The following GNAI3 variants were observed in gnomAD, a reference collection of about 807,000 sequenced individuals.
GNAI3 encodes G protein subunit alpha i3, also known as guanine nucleotide-binding protein G(i) subunit alpha-3.
A neutral mutation model predicts 41.8 loss-of-function variants in GNAI3; 12 were observed. The ratio of observed to expected loss-of-function variants is 0.29; its 90% CI spans 0.18 to 0.47. The LOEUF (loss-of-function observed/expected upper bound fraction) is 0.47. GNAI3 is among the 20% of genes least tolerant of loss of function. The pLI, the probability that GNAI3 is intolerant of heterozygous loss-of-function variation, is 1.00. For missense variants in GNAI3, 360 were observed against 429.6 expected, an observed-to-expected ratio of 0.84 and a Z score of 1.43; for synonymous variants, 132 against 146.5, an observed-to-expected ratio of 0.90 and a Z score of 0.71.
chr1:109,559,028 A>T (rs999516868), intron 1 of GNAI3, among the ~76,000 whole-genome samples: 2 of 152,174 alleles, frequency 1.3e-5, no homozygotes, highest in Non-Finnish European at 2.9e-5. Flanking sequence ...AATACAAAAA[A>T]TTAGCTGGGC....
At position 109,599,095 on chromosome 1, in the gene GNAI3, T is replaced by C. The variant is rs1570558427; in HGVS notation, c.*6773T>C. On this transcript the variant is annotated 3_prime_UTR_variant, in exon 9 of 9. Transcript: ENST00000369851. ...TGGAGGTACATGTGAGTGGATTTTA[T>C]TACCAGAGTAGGAACTGTTTCAAGT... 6 of 306,726 alleles carry C rather than the reference T, an allele frequency of 2.0e-5. No homozygotes were observed. Among genetic ancestry groups the C allele is most frequent in the Non-Finnish European group, 4.7e-5 (6 of 128,944 alleles). The allele number at this position is 306,726 out of a possible 1,614,324, so 19.0% of individuals were successfully genotyped here.
Position 109,596,613 on chromosome 1 carries a change from C to G in GNAI3, c.*4291C>G, listed in dbSNP as rs1649315440. 1 of 152,368 alleles carries G rather than the reference C, an allele frequency of 6.6e-6. No homozygotes were observed. The highest frequency in any genetic ancestry group is 2.1e-4 in the South Asian group (1 of 4,834). 9.4% of individuals were successfully genotyped at this position (152,368 alleles called of 1,614,324 possible). ...AAGTGATTTGCCTGCCTTGGCCTCC[C>G]AAAGTGCTGAGATTACAGATGTGAA... On this transcript the variant is annotated 3_prime_UTR_variant, in exon 9 of 9. Coordinates refer to ENST00000369851, the MANE Select transcript of GNAI3 (RefSeq NM_006496.4).
rs983146680 is a variant in GNAI3, at chr1:109,597,827, C to T, written c.*5505C>T. On this transcript the variant is annotated 3_prime_UTR_variant, in exon 9 of 9. Coordinates refer to ENST00000369851, the MANE Select transcript of GNAI3 (RefSeq NM_006496.4). ...ATGTAATAACATGAATATTTATTTA[C>T]ACTTGGTAGAGAAAGCAAAGCTAGC... The T allele has an allele frequency of 6.6e-6, 1 of 152,138 alleles. No individual in the cohort carries two copies. The highest frequency in any genetic ancestry group is 6.5e-5 in the Admixed American group (1 of 15,272). 9.4% of individuals were successfully genotyped at this position (152,138 alleles called of 1,614,324 possible). A position where few individuals can be genotyped will look rare whatever the true frequency, so the allele number is the denominator to read the frequency against.
intron 1 of GNAI3, among the ~76,000 whole-genome samples, chr1:109,569,780 T>C (rs554971158): frequency 1.3e-5 from 2 of 150,834 alleles, no homozygotes; most frequent in South Asian, 2.1e-4. Context: ...CTTGGAAAAA[T>C]GTGAGAGAGG....
chr1:109,560,938 T>G (rs938650711), intron 1 of GNAI3, among the ~76,000 whole-genome samples: 1 of 152,196 alleles, frequency 6.6e-6, no homozygotes, highest in African/African-American at 2.4e-5. Context: ...GTGACATATC[T>G]TTAACAGAAC....
At chr1:109,577,527 G>A (rs943129218) in intron 3 of GNAI3, among the ~76,000 whole-genome samples, 3 of 151,920 alleles carry the variant, frequency 2.0e-5, no homozygotes, top group Non-Finnish European at 2.9e-5. Flanking sequence ...CACCCGCCTC[G>A]GCCTCCCAAA....
intron 1 of GNAI3, among the ~76,000 whole-genome samples, chr1:109,569,804 G>C (rs1648547123): frequency 6.6e-6 from 1 of 151,762 alleles, no homozygotes; most frequent in Admixed American, 6.6e-5. Context: ...GGCAACAGAG[G>C]GTTTTTTGTT....
At chr1:109,577,964 A>T (rs777027389) in intron 3 of GNAI3, among the ~76,000 whole-genome samples, 16 of 152,186 alleles carry the variant, frequency 1.1e-4, no homozygotes, top group South Asian at 4.1e-4. Context: ...CACGTTATAT[A>T]CTTTTTAAAT....
chr1:109,586,349 T>A lies in GNAI3; in HGVS notation c.720+4T>A, dbSNP rs1291937373. 6.2e-7 allele frequency: 1 copy of A among 1,608,974 alleles called. No homozygotes were observed. The highest frequency in any genetic ancestry group is 1.1e-5 in the South Asian group (1 of 90,200). On this transcript the variant is annotated splice_donor_region_variant and intron_variant, in intron 6 of 8. Coordinates refer to ENST00000369851, the MANE Select transcript of GNAI3 (RefSeq NM_006496.4). The stretch of plus-strand genomic sequence containing the variant: ...TCTGGCTGAGGACGAGGAGATGGTA[T>A]GTTGGAGCTTCTGGTAAAAAGCCTG...
At chr1:109,560,597 C>G (rs1648284327) in intron 1 of GNAI3, among the ~76,000 whole-genome samples, 1 of 152,028 alleles carries the variant, frequency 6.6e-6, no homozygotes, top group South Asian at 2.1e-4. Flanking sequence ...GAGATCCTGT[C>G]TCTTAAAAAA....
At chr1:109,566,735 G>T (rs1352120630) in intron 1 of GNAI3, among the ~76,000 whole-genome samples, 1 of 152,070 alleles carries the variant, frequency 6.6e-6, no homozygotes, top group Non-Finnish European at 1.5e-5. Context: ...CTAATTTTTT[G>T]TATTTTTAGT....
chr1:109,554,206 C>CT (rs972943714), intron 1 of GNAI3, among the ~76,000 whole-genome samples: 2 of 152,064 alleles, frequency 1.3e-5, no homozygotes, highest in African/African-American at 2.4e-5. Flanking sequence ...ATGCAAGTAT[C>CT]TTTTTTGTAT....
In GNAI3 at chr1:109,599,001, T is replaced by C. The variant is rs113172998; in HGVS notation, c.*6679T>C. 4.3e-5 allele frequency: 23 copies of C among 533,860 alleles called. No individual in the cohort carries two copies. The highest frequency in any genetic ancestry group is 2.2e-4 in the East Asian group (4 of 18,338). The allele number at this position is 533,860 out of a possible 1,614,324, so 33.1% of individuals were successfully genotyped here. The stretch of plus-strand genomic sequence containing the variant: ...TTGGTCTACGGCACATCTCCAAGTA[T>C]AGAGTGGGTTTTGAATGCTGTTATG... On this transcript the variant is annotated 3_prime_UTR_variant, in exon 9 of 9. Coordinates refer to ENST00000369851, the MANE Select transcript of GNAI3 (RefSeq NM_006496.4).
intron 1 of GNAI3, among the ~76,000 whole-genome samples, chr1:109,568,162 C>T (rs1162288846): frequency 1.3e-5 from 2 of 152,064 alleles, no homozygotes; most frequent in Non-Finnish European, 2.9e-5. Flanking sequence ...ACTTTGCATA[C>T]CCATAATGTA....
Position 109,574,000 on chromosome 1 carries a change from GAC to G in GNAI3, c.267_268del (p.Arg90AlafsTer4), listed in dbSNP as rs1431292003. The G allele has an allele frequency of 1.9e-6, 3 of 1,611,432 alleles. No homozygotes were observed. Among genetic ancestry groups the G allele is most frequent in the Non-Finnish European group, 2.5e-6 (3 of 1,177,892 alleles). ...ATCATTGCAATCATAAGAGCCATGG[GAC>G]GGCTAAAGATTGACTTTGGGGAAGC... is the stretch of plus-strand genomic sequence containing the variant. On this transcript the variant is annotated frameshift_variant, in exon 3 of 9. Coordinates refer to ENST00000369851, the MANE Select transcript of GNAI3 (RefSeq NM_006496.4). LOFTEE classifies it high-confidence loss of function.
At chr1:109,551,399 T>C (rs1343020752) in intron 1 of GNAI3, among the ~76,000 whole-genome samples, 2 of 152,228 alleles carry the variant, frequency 1.3e-5, no homozygotes, top group Non-Finnish European at 2.9e-5. Flanking sequence ...ATTTTTACTT[T>C]ATCACTATGG....
rs770658358 is a variant in GNAI3, at chr1:109,599,561, TGTAAC to T, written c.*7244_*7248del. ...GGAAAACTATCAGATTTATGTGAAA[TGTAAC>T]GTAATTTACATTTGATTTACTGTTA... On this transcript the variant is annotated 3_prime_UTR_variant, in exon 9 of 9. Transcript: ENST00000369851. 2 of 152,248 alleles carry T rather than the reference TGTAAC, an allele frequency of 1.3e-5. No homozygotes were observed. Among genetic ancestry groups the T allele is most frequent in the African/African-American group, 2.4e-5 (1 of 41,460 alleles). 9.4% of individuals were successfully genotyped at this position (152,248 alleles called of 1,614,324 possible).
Position 109,596,709 on chromosome 1 carries a change from T to G in GNAI3, c.*4387T>G, listed in dbSNP as rs927109590. On this transcript the variant is annotated 3_prime_UTR_variant, in exon 9 of 9. Coordinates refer to ENST00000369851, the MANE Select transcript of GNAI3 (RefSeq NM_006496.4). ...GCCTAGGCCTGGGCTGACTCAAATCTTCTCAGGAATAAGAGGTAAGAAGGA... is the reference window on the plus strand; with the variant it reads ...GCCTAGGCCTGGGCTGACTCAAATCGTCTCAGGAATAAGAGGTAAGAAGGA... 1 of 152,222 alleles carries G rather than the reference T, an allele frequency of 6.6e-6. No homozygotes were observed. Among genetic ancestry groups the G allele is most frequent in the African/African-American group, 2.4e-5 (1 of 41,452 alleles). 9.4% of individuals were successfully genotyped at this position (152,222 alleles called of 1,614,324 possible). A position where few individuals can be genotyped will look rare whatever the true frequency, so the allele number is the denominator to read the frequency against.
intron 7 of GNAI3, among the ~76,000 whole-genome samples, chr1:109,587,381 C>T (rs1431054648): frequency 6.6e-6 from 1 of 152,098 alleles, no homozygotes; most frequent in Non-Finnish European, 1.5e-5. Context: ...TGTTTAATTG[C>T]ACATAAATAA....
Sources: allele counts gnomAD v4.1 joint callset (sites outside exome capture counted in the v4.1 genomes callset), GRCh38; gene constraint gnomAD v4.1.1; transcripts MANE v1.5; gene names NCBI Gene and HGNC (gene_info 2026-07-23, HGNC 2026-07-21).